The following CHD2 variants were observed in gnomAD, a reference collection of about 807,000 sequenced individuals.
CHD2 encodes the protein ATP-dependent chromatin remodeler CHD2.
A neutral mutation model predicts 243.9 loss-of-function variants in CHD2; 28 were observed. The ratio of observed to expected loss-of-function variants is 0.11; its 90% CI spans 0.09 to 0.16. The LOEUF (loss-of-function observed/expected upper bound fraction) is 0.16. Among genes scored for constraint, CHD2 ranks in the 10% least tolerant of loss-of-function variants. The probability of loss-of-function intolerance (pLI) is 1.00; values close to 1 mark genes in which losing one functional copy is unlikely to be tolerated. For synonymous variants in CHD2, 775 were observed against 779.0 expected, an observed-to-expected ratio of 0.99 and a Z score of 0.09; for missense variants, 1,386 against 2,209.8, an observed-to-expected ratio of 0.63 and a Z score of 7.47.
At chr15:92,926,045 C>T (rs1039542770) in intron 3 of CHD2, among the ~76,000 whole-genome samples, 6 of 152,190 alleles carry the variant, frequency 3.9e-5, no homozygotes, top group Non-Finnish European at 7.3e-5. Flanking sequence ...AATCACAGCT[C>T]ACTGCAGCCT....
intron 1 of CHD2, 59 bp from the exon 2 acceptor site, chr15:92,901,108 C>T: frequency 2.9e-6 from 2 of 678,160 alleles, no homozygotes; most frequent in East Asian, 2.7e-5. Flanking sequence ...GACTTTGTTC[C>T]TGATAATAAA....
chr15:93,001,195 T>A (rs2054251093), intron 32 of CHD2, among the ~76,000 whole-genome samples: 1 of 152,140 alleles, frequency 6.6e-6, no homozygotes, highest in South Asian at 2.1e-4. Flanking sequence ...AAATGGCGAT[T>A]GACACGTAGC....
In CHD2 at chr15:92,971,800, A is replaced by G. The variant is rs766668973; in HGVS notation, c.2225A>G (p.Lys742Arg). The G allele has an allele frequency of 6.8e-6, 11 of 1,613,568 alleles. No individual in the cohort carries two copies. The highest frequency in any genetic ancestry group is 1.3e-5 in the African/African-American group (1 of 74,864). Residue 742 changes from lysine to arginine, a missense_variant, in exon 18 of 39, where the codon AAA becomes AGA. Physicochemically the swap from Lys to Arg is conservative, Grantham distance 26. Transcript: ENST00000394196. Reference protein sequence around the residue: ...ILTRNYKALAKGTRGSTSGFL... With the variant: ...ILTRNYKALARGTRGSTSGFL... ...ACCAGGAATTACAAGGCTCTTGCCA[A>G]AGGAACAAGAGGCAGCACATCTGGT...
chr15:92,955,584 TTCTG>T, intron 15 of CHD2, 72 bp downstream of exon 15: 1 of 900,142 alleles, frequency 1.1e-6, no homozygotes, highest in Non-Finnish European at 1.7e-6. Flanking sequence ...TCTGTTACTG[TTCTG>T]TGGAGCATGT....
intron 8 of CHD2, 119 bp downstream of exon 8, chr15:92,942,074 G>A (rs1354407828): frequency 1.0e-6 from 1 of 956,314 alleles, no homozygotes; most frequent in African/African-American, 1.7e-5. Context: ...GTGATATGTA[G>A]AAGTCTTTCT....
chr15:92,974,729 A>T, intron 19 of CHD2, 150 bp from the exon 20 acceptor site: 1 of 633,918 alleles, frequency 1.6e-6, no homozygotes, highest in Non-Finnish European at 2.8e-6. Flanking sequence ...TGTGCTTCTT[A>T]AGCACAGCTT....
At chr15:92,938,452 G>A (rs2053302747) in intron 6 of CHD2, among the ~76,000 whole-genome samples, 1 of 152,094 alleles carries the variant, frequency 6.6e-6, no homozygotes, top group Non-Finnish European at 1.5e-5. Context: ...CTCTTGGCTG[G>A]CAGAGCCTAA....
chr15:92,990,650 A>G (rs1206863797), intron 26 of CHD2, among the ~76,000 whole-genome samples: 1 of 152,088 alleles, frequency 6.6e-6, no homozygotes, highest in African/African-American at 2.4e-5. Context: ...GTTTTTAGCT[A>G]TTGTCATATT....
chr15:92,985,825 A>C, intron 26 of CHD2, 152 bp downstream of exon 26: 2 of 652,036 alleles, frequency 3.1e-6, no homozygotes, highest in Non-Finnish European at 2.4e-6. Context: ...GATCTGTAGG[A>C]TGATCCTTCC....
At chr15:93,004,827 C>G (rs2054299884) in intron 34 of CHD2, 76 bp downstream of exon 34, 7 of 1,481,130 alleles carry the variant, frequency 4.7e-6, no homozygotes, top group Admixed American at 2.0e-5. Context: ...ATAGGTCCAG[C>G]CAGAGCTTCA....
chr15:93,008,570 G>A (rs1371391), intron 34 of CHD2, among the ~76,000 whole-genome samples: 117,301 of 152,016 alleles, frequency 0.77, 46,543 homozygotes, highest in East Asian at 1. Context: ...GTCATTTCCC[G>A]TGCTGCCAAT....
At position 92,992,913 on chromosome 15, in the gene CHD2, G is replaced by A. The variant is rs746728408; in HGVS notation, c.3510G>A (p.Leu1170=). The A allele has an allele frequency of 1.3e-5, 21 of 1,614,048 alleles. No homozygotes were observed. Among genetic ancestry groups the A allele is most frequent in the Non-Finnish European group, 1.6e-5 (19 of 1,180,048 alleles). ...AELVDKSVAD[L]KRLGELIHNS... is the part of the protein sequence containing the mutation. The stretch of plus-strand genomic sequence containing the variant: ...TGGTAGATAAGTCGGTGGCAGATCT[G>A]AAGCGCCTGGGTGAACTGATCCACA... Residue 1170 remains leucine, a synonymous_variant, in exon 28 of 39, where the codon CTG becomes CTA. Transcript: ENST00000394196.
intron 2 of CHD2, chr15:92,902,276 A>G (rs192296911): frequency 2.5e-6 from 1 of 397,662 alleles, no homozygotes; most frequent in African/African-American, 2.1e-5. Context: ...TGATGAAGTA[A>G]TAAAGCCTCT....
chr15:93,008,712 A>T (rs1381685241), intron 34 of CHD2, among the ~76,000 whole-genome samples: 1 of 152,110 alleles, frequency 6.6e-6, no homozygotes. Context: ...TCTGTTTACC[A>T]TCTTATCTGG....
chr15:93,016,752 A>T (rs2054465609), intron 37 of CHD2, among the ~76,000 whole-genome samples: 1 of 142,456 alleles, frequency 7.0e-6, no homozygotes, highest in South Asian at 2.5e-4. Context: ...ACTGCGCTCC[A>T]GTCTGGGCAA....
At chr15:92,996,814 T>G in intron 28 of CHD2, 143 bp from the exon 29 acceptor site, 1 of 724,954 alleles carries the variant, frequency 1.4e-6, no homozygotes, top group South Asian at 2.8e-5. Flanking sequence ...AGAAAAAAAT[T>G]TGTCTTATAG....
chr15:93,004,644 A>G lies in CHD2; in HGVS notation c.4306A>G (p.Ser1436Gly), dbSNP rs889423529. 7 of 1,612,926 alleles carry G rather than the reference A, an allele frequency of 4.3e-6. No individual in the cohort carries two copies. The highest frequency in any genetic ancestry group is 5.9e-6 in the Non-Finnish European group (7 of 1,179,342). Residue 1436 changes from serine (S) to glycine (G), a missense_variant, in exon 34 of 39, where the codon AGT becomes GGT. Coordinates refer to ENST00000394196, the MANE Select transcript of CHD2 (RefSeq NM_001271.4). ...KPKSGDAKSSSKSKRSQGPVH... is the reference protein window; with the variant it reads ...KPKSGDAKSSGKSKRSQGPVH... ...TAAAAGTGGTGATGCCAAATCTTCG[A>G]GTAAATCAAAGCGATCTCAGGGTCC... is the stretch of plus-strand genomic sequence containing the variant.
chr15:92,919,160 A>G (rs2052905237), intron 2 of CHD2, among the ~76,000 whole-genome samples: 1 of 149,416 alleles, frequency 6.7e-6, no homozygotes, highest in South Asian at 2.1e-4. Flanking sequence ...TCGGCCCATA[A>G]TTACACTTTT....
chr15:93,006,124 CTTTTTT>C (rs55820002), intron 34 of CHD2, among the ~76,000 whole-genome samples: 5,656 of 125,208 alleles, frequency 0.045, 121 homozygotes, highest in Middle Eastern at 0.071. Flanking sequence ...CTCTCTCTCT[CTTTTTT>C]TTTTTTTTTT....
Sources: allele counts gnomAD v4.1 joint callset (sites outside exome capture counted in the v4.1 genomes callset), GRCh38; gene constraint gnomAD v4.1.1; transcripts MANE v1.5; gene names NCBI Gene and HGNC (gene_info 2026-07-23, HGNC 2026-07-21).